Variants in TYR observed in about 807,000 individuals in gnomAD.
TYR encodes tyrosinase, also known as LB24-AB.
In TYR, 58 loss-of-function variants were observed where a neutral mutation model predicts 51.5. That is an observed-to-expected ratio of 1.13 (90% confidence interval 0.91 to 1.40). The LOEUF is 1.40. TYR is among the 40% of genes most tolerant of loss of function. The pLI, the probability that TYR is intolerant of heterozygous loss-of-function variation, is 0.00. For missense variants in TYR, 732 were observed against 647.4 expected (o/e 1.13, Z -1.42); for synonymous variants, 263 against 235.2 (o/e 1.12, Z -1.08).
At chr11:89,185,878 T>A (rs1036398975) in intron 1 of TYR, among the ~76,000 whole-genome samples, 2 of 152,204 alleles carry the variant, frequency 1.3e-5, no homozygotes, top group African/African-American at 4.8e-5. Context: ...CATATTTTTA[T>A]CATAGTTTAT....
At chr11:89,208,241 G>A (rs1943699645) in intron 2 of TYR, among the ~76,000 whole-genome samples, 1 of 152,136 alleles carries the variant, frequency 6.6e-6, no homozygotes, top group Non-Finnish European at 1.5e-5. Flanking sequence ...TGGCACTCCA[G>A]CCTGGGCAAC....
At chr11:89,235,265 G>A (rs1016268272) in intron 3 of TYR, among the ~76,000 whole-genome samples, 25 of 152,136 alleles carry the variant, frequency 1.6e-4, no homozygotes, top group African/African-American at 5.8e-4. Context: ...ATAGCATGGA[G>A]CTTCCTCAGT....
chr11:89,275,723 C>T (rs1042853494), intron 3 of TYR, among the ~76,000 whole-genome samples: 1 of 151,658 alleles, frequency 6.6e-6, no homozygotes, highest in African/African-American at 2.4e-5. Context: ...AGAAAAATAA[C>T]GTTAAAAAAA....
At chr11:89,235,653 T>C (rs1446068698) in intron 3 of TYR, among the ~76,000 whole-genome samples, 5 of 152,256 alleles carry the variant, frequency 3.3e-5, no homozygotes, top group Admixed American at 3.3e-4. Context: ...AGAATCGTAG[T>C]ATCACAAGGT....
chr11:89,198,894 A>G (rs1246445954), intron 2 of TYR, among the ~76,000 whole-genome samples: 1 of 151,934 alleles, frequency 6.6e-6, no homozygotes, highest in Non-Finnish European at 1.5e-5. Flanking sequence ...ATATCTCCTA[A>G]TGCTATCCCT....
intron 3 of TYR, chr11:89,283,895 C>G (rs1944749729): frequency 6.6e-6 from 1 of 151,716 alleles, no homozygotes; most frequent in African/African-American, 2.4e-5. Context: ...AAAGAATTTG[C>G]TGAGAGGCTA....
rs1445676162 is a variant in TYR at position 89,178,389 on chromosome 11, A to C, written c.436A>C (p.Ser146Arg). The change falls in exon 1 of 5, where the codon AGC (serine) becomes CGC (arginine). Residue 146 changes from serine to arginine, a missense_variant. Transcript: ENST00000263321. Reference protein sequence around the residue: ...AYLTLAKHTISSDYVIPIGTY... With the variant: ...AYLTLAKHTIRSDYVIPIGTY... ...CCTCACTTTAGCAAAGCATACCATC[A>C]GCTCAGACTATGTCATCCCCATAGG... 6.2e-7 allele frequency: 1 copy of C among 1,614,086 alleles called. No homozygotes were observed. Among genetic ancestry groups the C allele is most frequent in the African/African-American group, 1.3e-5 (1 of 74,936 alleles).
At chr11:89,244,531 A>G (rs1944239762) in intron 3 of TYR, among the ~76,000 whole-genome samples, 1 of 152,062 alleles carries the variant, frequency 6.6e-6, no homozygotes, top group African/African-American at 2.4e-5. Context: ...CTTTTGTGTG[A>G]CCTATTTTGT....
intron 3 of TYR, among the ~76,000 whole-genome samples, chr11:89,242,160 G>A (rs1944204984): frequency 6.6e-6 from 1 of 152,014 alleles, no homozygotes; most frequent in Non-Finnish European, 1.5e-5. Flanking sequence ...AATTTCAGAA[G>A]GGGCTTCTTT....
chr11:89,272,265 C>A (rs1944597142), intron 3 of TYR, among the ~76,000 whole-genome samples: 1 of 151,850 alleles, frequency 6.6e-6, no homozygotes, highest in African/African-American at 2.4e-5. Flanking sequence ...GTCAAAATTA[C>A]TCCTTAATCC....
intron 2 of TYR, among the ~76,000 whole-genome samples, chr11:89,214,221 G>A (rs1374445001): frequency 6.6e-6 from 1 of 151,720 alleles, no homozygotes; most frequent in East Asian, 1.9e-4. Flanking sequence ...AGTGGACAAA[G>A]GATATGAACA....
intron 4 of TYR, among the ~76,000 whole-genome samples, chr11:89,288,668 C>T (rs556429268): frequency 1.3e-5 from 2 of 152,132 alleles, no homozygotes; most frequent in East Asian, 3.9e-4. Context: ...ACTTGGGAGG[C>T]TGAGGCAGGA....
At chr11:89,189,790 C>T (rs1477787880) in intron 1 of TYR, among the ~76,000 whole-genome samples, 1 of 152,094 alleles carries the variant, frequency 6.6e-6, no homozygotes, top group Non-Finnish European at 1.5e-5. Context: ...GTGGTAGATG[C>T]AACACTAGAA....
chr11:89,214,347 T>G (rs571797350), intron 2 of TYR, among the ~76,000 whole-genome samples: 33 of 152,108 alleles, frequency 2.2e-4, no homozygotes, highest in Non-Finnish European at 4.3e-4. Context: ...ATCTCATGCC[T>G]GTTAGAATGG....
intron 2 of TYR, among the ~76,000 whole-genome samples, chr11:89,193,213 G>A (rs906382462): frequency 6.6e-6 from 1 of 152,070 alleles, no homozygotes; most frequent in Middle Eastern, 3.2e-3. Context: ...TAAGGAAACT[G>A]GAGCATTTTG....
intron 3 of TYR, among the ~76,000 whole-genome samples, chr11:89,262,863 A>AC (rs1944476652): frequency 6.8e-6 from 1 of 146,360 alleles, no homozygotes; most frequent in Admixed American, 6.9e-5. Context: ...AAAAAAAAAA[A>AC]AAAAAAAAAC....
intron 1 of TYR, among the ~76,000 whole-genome samples, chr11:89,181,741 C>T (rs1255568013): frequency 6.6e-6 from 1 of 152,008 alleles, no homozygotes; most frequent in Non-Finnish European, 1.5e-5. Context: ...TATAGAAAAG[C>T]CTAAAATGGT....
intron 3 of TYR, among the ~76,000 whole-genome samples, chr11:89,232,252 C>A (rs565585290): frequency 1.4e-5 from 2 of 143,168 alleles, no homozygotes; most frequent in East Asian, 4.1e-4. Context: ...AATAGAGACA[C>A]AAAGTTTTGG....
chr11:89,260,084 A>T (rs995850980), intron 3 of TYR, among the ~76,000 whole-genome samples: 5 of 152,032 alleles, frequency 3.3e-5, no homozygotes, highest in African/African-American at 1.2e-4. Context: ...AAGAGATTGT[A>T]TATTTTTAGT....
Sources: gnomAD v4.1 joint callset for allele counts (sites outside exome capture counted in the v4.1 genomes callset) on GRCh38, gnomAD v4.1.1 for gene constraint, MANE v1.5 for transcripts, NCBI Gene and HGNC (gene_info 2026-07-23, HGNC 2026-07-21) for gene names.